The following RASSF9 variants were observed in gnomAD, a reference collection of about 807,000 sequenced individuals.
The protein encoded by RASSF9 is Ras association domain family member 9.
A neutral mutation model predicts 21.4 loss-of-function variants in RASSF9; 18 were observed. The observed-to-expected ratio is 0.84, with a 90% CI of 0.58 to 1.25. RASSF9 has a LOEUF of 1.25. Ranked by LOEUF, RASSF9 falls within the 50% of genes most tolerant of loss-of-function variation. The pLI, the probability that RASSF9 is intolerant of heterozygous loss-of-function variation, is 0.00. For missense variants in RASSF9, 480 were observed against 503.2 expected (o/e 0.95, Z 0.44); for synonymous variants, 183 against 179.1 (o/e 1.02, Z -0.18).
In RASSF9 at chr12:85,800,954, GTAGA is replaced by G. The variant is rs1366092297; in HGVS notation, c.*3744_*3747del. On this transcript the variant is annotated 3_prime_UTR_variant, in exon 2 of 2. Transcript: ENST00000361228. Reference sequence around the variant, plus strand: ...ACAGAAATATATTTTGTCATGTACAGTAGATATTTAAATAAATATAAAAATAAAA... The same window carrying G: ...ACAGAAATATATTTTGTCATGTACAGTATTTAAATAAATATAAAAATAAAA... 1.3e-5 allele frequency: 2 copies of G among 151,754 alleles called. No homozygotes were observed. Among genetic ancestry groups the G allele is most frequent in the African/African-American group, 4.8e-5 (2 of 41,414 alleles). 9.4% of individuals were successfully genotyped at this position (151,754 alleles called of 1,614,324 possible). A position where few individuals can be genotyped will look rare whatever the true frequency, so the allele number is the denominator to read the frequency against.
chr12:85,823,337 CAT>C (rs1451602341), intron 1 of RASSF9, among the ~76,000 whole-genome samples: 1 of 152,114 alleles, frequency 6.6e-6, no homozygotes, highest in African/African-American at 2.4e-5. Context: ...CTCTTTGTAA[CAT>C]AATGCATTGT....
chr12:85,813,397 T>C (rs1351003760), intron 1 of RASSF9, among the ~76,000 whole-genome samples: 1 of 151,938 alleles, frequency 6.6e-6, no homozygotes, highest in East Asian at 1.9e-4. Context: ...CAATCAAATA[T>C]ACTTTGAAAA....
intron 1 of RASSF9, among the ~76,000 whole-genome samples, chr12:85,830,097 A>G (rs1033504910): frequency 4.6e-5 from 7 of 152,144 alleles, no homozygotes; most frequent in Non-Finnish European, 7.4e-5. Context: ...TCAAATGAGT[A>G]GGAGATATGC....
chr12:85,815,326 T>C (rs1592529534), intron 1 of RASSF9, among the ~76,000 whole-genome samples: 1 of 152,260 alleles, frequency 6.6e-6, no homozygotes, highest in East Asian at 1.9e-4. Context: ...CATTCTGGAA[T>C]CTAATATGGT....
At chr12:85,827,197 T>G (rs1880352830) in intron 1 of RASSF9, among the ~76,000 whole-genome samples, 1 of 152,178 alleles carries the variant, frequency 6.6e-6, no homozygotes, top group Non-Finnish European at 1.5e-5. Context: ...TTTCCACACA[T>G]TCTTCCCAAC....
At chr12:85,826,748 C>T (rs1377800510) in intron 1 of RASSF9, among the ~76,000 whole-genome samples, 1 of 151,942 alleles carries the variant, frequency 6.6e-6, no homozygotes, top group African/African-American at 2.4e-5. Flanking sequence ...TGGCCCATCC[C>T]TTCCAATATT....
At chr12:85,816,701 T>C (rs1000007479) in intron 1 of RASSF9, among the ~76,000 whole-genome samples, 1 of 152,094 alleles carries the variant, frequency 6.6e-6, no homozygotes, top group Non-Finnish European at 1.5e-5. Context: ...GAGAAAAAAA[T>C]TGATTTCTGG....
rs750228724 is a variant in RASSF9 at position 85,804,733 on chromosome 12, G to A, written c.1277C>T (p.Thr426Ile). ...SSNHSQDSET[T>I]VGDVVLLST Reference sequence around the variant, plus strand: ...TGACAACAGCACCACATCTCCTACTGTTGTTTCGGAGTCCTGACTGTGGTT... The same window carrying A: ...TGACAACAGCACCACATCTCCTACTATTGTTTCGGAGTCCTGACTGTGGTT... The change falls in exon 2 of 2, where the codon ACA becomes ATA. Residue 426 changes from threonine to isoleucine, a missense_variant. By Grantham distance (89) the Thr-to-Ile change is moderately conservative. Transcript: ENST00000361228. 1.9e-6 allele frequency: 3 copies of A among 1,609,368 alleles called. No homozygotes were observed. Among genetic ancestry groups the A allele is most frequent in the South Asian group, 1.1e-5 (1 of 90,898 alleles).
rs1032749795 is a variant in RASSF9 at position 85,804,396 on chromosome 12, T to C, written c.*306A>G. ...TATTGAGGATTGCTTTTAAAGTTTA[T>C]GTAAATCGTTTTCCACAGACGCTAA... On this transcript the variant is annotated 3_prime_UTR_variant, in exon 2 of 2. Transcript: ENST00000361228. 16 of 256,572 alleles carry C rather than the reference T, an allele frequency of 6.2e-5. No homozygotes were observed. The highest frequency in any genetic ancestry group is 1.0e-4 in the Non-Finnish European group (14 of 134,964). The allele number at this position is 256,572 out of a possible 1,614,324, so 15.9% of individuals were successfully genotyped here.
chr12:85,833,727 GT>G (rs1336129454), intron 1 of RASSF9, among the ~76,000 whole-genome samples: 2 of 151,856 alleles, frequency 1.3e-5, no homozygotes, highest in Admixed American at 1.3e-4. Flanking sequence ...TGCTCAAGTA[GT>G]TTTTTGTTAT....
chr12:85,834,561 G>T (rs992578416), intron 1 of RASSF9, among the ~76,000 whole-genome samples: 1 of 151,940 alleles, frequency 6.6e-6, no homozygotes, highest in Non-Finnish European at 1.5e-5. Context: ...CCCTGTATTT[G>T]GCATACCAAT....
At chr12:85,831,784 G>A (rs541097528) in intron 1 of RASSF9, among the ~76,000 whole-genome samples, 1 of 151,972 alleles carries the variant, frequency 6.6e-6, no homozygotes, top group East Asian at 1.9e-4. Flanking sequence ...CATCCTTCTT[G>A]TCAGCAACTT....
At position 85,803,111 on chromosome 12, in the gene RASSF9, T is replaced by C. The variant is rs1310705598; in HGVS notation, c.*1591A>G. On this transcript the variant is annotated 3_prime_UTR_variant, in exon 2 of 2. Coordinates refer to ENST00000361228, the MANE Select transcript of RASSF9 (RefSeq NM_005447.4). ...AGACAGGAGAAGGCAGGAACAAATA[T>C]GTTAAGAAGATTTAAGGAGCAATAT... is the stretch of plus-strand genomic sequence containing the variant. 2 of 152,072 alleles carry C rather than the reference T, an allele frequency of 1.3e-5. No homozygotes were observed. Among genetic ancestry groups the C allele is most frequent in the African/African-American group, 4.8e-5 (2 of 41,426 alleles). The allele number at this position is 152,072 out of a possible 1,614,324, so 9.4% of individuals were successfully genotyped here.
chr12:85,836,203 G>A lies in RASSF9; in HGVS notation c.-2C>T, dbSNP rs1335613428. The A allele has an allele frequency of 6.6e-7, 1 of 1,520,828 alleles. No individual in the cohort carries two copies. Among genetic ancestry groups the A allele is most frequent in the Admixed American group, 2.0e-5 (1 of 49,624 alleles). The allele number at this position is 1,520,828 out of a possible 1,614,324, so 94.2% of individuals were successfully genotyped here. ...CAAGTTTCTTCCAAAGGGAGCCATG[G>A]TCTGTCGGGCAAACGAATAAAGAAA... is the stretch of plus-strand genomic sequence containing the variant. On this transcript the variant is annotated 5_prime_UTR_variant, in exon 1 of 2. Transcript: ENST00000361228.
rs1303267804 is a variant in RASSF9 at position 85,818,313 on chromosome 12, A to ATTGT, written c.48-12355_48-12352dup. The stretch of plus-strand genomic sequence containing the variant: ...AGATTAGAAAACTGAGGCACAAGAG[A>ATTGT]TTGTTTGTTCAATGCTACCCTCAGC... On this transcript the variant is annotated intron_variant, in intron 1 of 1. Transcript: ENST00000361228. 2.0e-5 allele frequency among the ~76,000 whole-genome samples: 3 copies of ATTGT among 152,168 alleles called. No homozygotes were observed. The East Asian group carries it at 5.8e-4, about 29-fold the overall frequency.
intron 1 of RASSF9, among the ~76,000 whole-genome samples, chr12:85,832,516 T>A (rs973406508): frequency 1.6e-4 from 25 of 151,848 alleles, no homozygotes; most frequent in African/African-American, 6.0e-4. Flanking sequence ...ATAAAGACAA[T>A]CACATTCACA....
intron 1 of RASSF9, among the ~76,000 whole-genome samples, chr12:85,829,729 C>G (rs1046490232): frequency 1.3e-5 from 2 of 152,174 alleles, no homozygotes; most frequent in East Asian, 1.9e-4. Context: ...CCATTTACTC[C>G]TCTCTTAAAT....
intron 1 of RASSF9, among the ~76,000 whole-genome samples, chr12:85,807,972 T>C (rs17345849): frequency 6.6e-6 from 1 of 152,114 alleles, no homozygotes; most frequent in African/African-American, 2.4e-5. Flanking sequence ...TGAGTAGTAA[T>C]TGGCTTCTTG....
chr12:85,836,041 T>A, intron 1 of RASSF9, 114 bp downstream of exon 1: 1 of 1,527,052 alleles, frequency 6.5e-7, no homozygotes. Flanking sequence ...CCTTTTTTTA[T>A]CAGAATCTAA....
Sources: allele counts gnomAD v4.1 joint callset (sites outside exome capture counted in the v4.1 genomes callset), GRCh38; gene constraint gnomAD v4.1.1; transcripts MANE v1.5; gene names NCBI Gene and HGNC (gene_info 2026-07-23, HGNC 2026-07-21).